The following CILK1 variants were observed in gnomAD, a reference collection of about 807,000 sequenced individuals.
The protein encoded by CILK1 is ciliogenesis associated kinase 1.
In CILK1, 47 loss-of-function variants were observed where a neutral mutation model predicts 79.2. The ratio of observed to expected loss-of-function variants is 0.59; its 90% CI spans 0.47 to 0.76. The LOEUF (loss-of-function observed/expected upper bound fraction) is 0.76. Ranked by LOEUF, CILK1 falls within the 30% of genes least tolerant of loss-of-function variation. The probability of loss-of-function intolerance (pLI) is 0.00; values close to 1 mark genes in which losing one functional copy is unlikely to be tolerated. For missense variants in CILK1, 660 were observed against 769.5 expected (o/e 0.86, Z 1.68); for synonymous variants, 266 against 275.9 (o/e 0.96, Z 0.36).
At chr6:53,037,050 G>T (rs1766386292) in intron 3 of CILK1, among the ~76,000 whole-genome samples, 1 of 152,136 alleles carries the variant, frequency 6.6e-6, no homozygotes, top group Non-Finnish European at 1.5e-5. Context: ...CTTTAGACTT[G>T]TAACCTCACT....
rs150468763 is a variant in CILK1 at position 53,033,069 on chromosome 6, T to C, written c.157-415A>G. Among the ~76,000 whole-genome samples, 581 of 152,306 alleles carry C rather than the reference T, an allele frequency of 3.8e-3. 2 individuals are homozygous for C. Among genetic ancestry groups the C allele is most frequent in the African/African-American group, 0.013 (561 of 41,570 alleles). ...TGGGCTGAGATCACCAGCTAACAGTTTGCAGACACTCTGAATAGGAAATTG... is the reference window on the plus strand; with the variant it reads ...TGGGCTGAGATCACCAGCTAACAGTCTGCAGACACTCTGAATAGGAAATTG... On this transcript the variant is annotated intron_variant, in intron 3 of 13. Coordinates refer to ENST00000676107, the MANE Select transcript of CILK1 (RefSeq NM_014920.5).
At chr6:53,036,277 CTGA>C (rs1198653805) in intron 3 of CILK1, among the ~76,000 whole-genome samples, 2 of 152,134 alleles carry the variant, frequency 1.3e-5, no homozygotes, top group African/African-American at 2.4e-5. Context: ...TTTTTTATCT[CTGA>C]TGTTTGTTTT....
Position 53,018,348 on chromosome 6 carries a change from C to T in CILK1, c.645G>A (p.Val215=). The change falls in exon 7 of 14, where the codon GTG becomes GTA. Residue 215 remains valine, a synonymous_variant. Transcript: ENST00000676107. Reference sequence around the variant, plus strand: ...TCATTACCTTTTTTGGTGTCCCCAGCACTTGGCAAATTTTGAATATTGTGT... The same window carrying T: ...TCATTACCTTTTTTGGTGTCCCCAGTACTTGGCAAATTTTGAATATTGTGT... ...EIDTIFKICQ[V]LGTPKKTDWP... The T allele has an allele frequency of 8.1e-6, 13 of 1,614,158 alleles. No individual in the cohort carries two copies. Among genetic ancestry groups the T allele is most frequent in the Non-Finnish European group, 1.1e-5 (13 of 1,180,018 alleles).
chr6:53,018,399 T>C lies in CILK1; in HGVS notation c.594A>G (p.Pro198=), dbSNP rs746818174. The C allele has an allele frequency of 5.0e-6, 8 of 1,613,892 alleles. No individual in the cohort carries two copies. In the South Asian group the frequency reaches 7.7e-5, roughly 16 times the overall value. The change falls in exon 7 of 14, where the codon CCA becomes CCG. Residue 198 remains proline, a synonymous_variant. Transcript: ENST00000676107. ...CAATTTCACTGGCTCCAGGGAAGAGTGGCCTGAGGGTGTAAACTTCTGCCA... is the reference window on the plus strand; with the variant it reads ...CAATTTCACTGGCTCCAGGGAAGAGCGGCCTGAGGGTGTAAACTTCTGCCA... ...CIMAEVYTLR[P]LFPGASEIDT...
intron 1 of CILK1, among the ~76,000 whole-genome samples, chr6:53,052,640 AG>A (rs1380364595): frequency 2.0e-5 from 3 of 152,054 alleles, no homozygotes; most frequent in African/African-American, 7.2e-5. Context: ...CTGAGGCAGG[AG>A]AATTGCTTGA....
chr6:53,005,352 G>A (rs200020472), intron 13 of CILK1, 49 bp from the exon 14 acceptor site: 275 of 1,599,628 alleles, frequency 1.7e-4, no homozygotes, highest in Admixed American at 5.0e-4. Context: ...GCCAATGTAA[G>A]CAAAGTACAA....
intron 1 of CILK1, among the ~76,000 whole-genome samples, chr6:53,048,476 A>T (rs745463315): frequency 2.6e-5 from 4 of 152,244 alleles, no homozygotes; most frequent in Non-Finnish European, 4.4e-5. Context: ...AAGAAGCACC[A>T]GTCAGCTCAC....
At chr6:53,048,995 ATT>A (rs1767295189) in intron 1 of CILK1, among the ~76,000 whole-genome samples, 1 of 152,214 alleles carries the variant, frequency 6.6e-6, no homozygotes, top group South Asian at 2.1e-4. Flanking sequence ...AAAGTGTGAT[ATT>A]TAGGGCTGAG....
At chr6:53,026,851 T>G in intron 5 of CILK1, among the ~76,000 whole-genome samples, 1 of 152,206 alleles carries the variant, frequency 6.6e-6, no homozygotes, top group East Asian at 1.9e-4. Flanking sequence ...GACCTTCAAT[T>G]TAATTTCACC....
chr6:53,057,113 A>C (rs951687654), intron 1 of CILK1, among the ~76,000 whole-genome samples: 1 of 152,244 alleles, frequency 6.6e-6, no homozygotes, highest in African/African-American at 2.4e-5. Flanking sequence ...TTTGGGAACC[A>C]CAAGTTCATG....
At chr6:53,060,437 G>A (rs1280417453) in intron 1 of CILK1, among the ~76,000 whole-genome samples, 1 of 152,216 alleles carries the variant, frequency 6.6e-6, no homozygotes, top group African/African-American at 2.4e-5. Flanking sequence ...TGACTTTGGA[G>A]AAGGGGATAA....
At chr6:53,026,509 T>C (rs1458675265) in intron 5 of CILK1, among the ~76,000 whole-genome samples, 1 of 152,200 alleles carries the variant, frequency 6.6e-6, no homozygotes, top group Non-Finnish European at 1.5e-5. Flanking sequence ...TCATTAACAG[T>C]ACTACTATTA....
rs775514340 is a variant in CILK1 at position 53,041,202 on chromosome 6, T to A, written c.35A>T (p.Asp12Val). 6.2e-7 allele frequency: 1 copy of A among 1,613,818 alleles called. No individual in the cohort carries two copies. The highest frequency in any genetic ancestry group is 8.5e-7 in the Non-Finnish European group (1 of 1,179,884). ...NRYTTIRQLG[D>V]GTYGSVLLGR... Reference sequence around the variant, plus strand: ...CAGCAGGACGGAACCGTAGGTTCCATCCCCGAGCTGCCTGATTGTTGTGTA... The same window carrying A: ...CAGCAGGACGGAACCGTAGGTTCCAACCCCGAGCTGCCTGATTGTTGTGTA... The change falls in exon 2 of 14, where the codon GAT (aspartate) becomes GTT (valine). Residue 12 changes from aspartate to valine, a missense_variant. Asp to Val is a radical substitution (Grantham distance 152). Coordinates refer to ENST00000676107, the MANE Select transcript of CILK1 (RefSeq NM_014920.5).
At chr6:53,009,376 C>T (rs899601998) in intron 12 of CILK1, 63 bp downstream of exon 12, 16 of 1,543,108 alleles carry the variant, frequency 1.0e-5, no homozygotes, top group Admixed American at 3.3e-5. Flanking sequence ...ACTCCTTGTG[C>T]CCACCTTCCT....
chr6:53,046,354 T>A (rs1420330581), intron 1 of CILK1, among the ~76,000 whole-genome samples: 1 of 152,210 alleles, frequency 6.6e-6, no homozygotes, highest in Non-Finnish European at 1.5e-5. Flanking sequence ...AAAGCCTTTT[T>A]TGGATAATTA....
rs1158005495 is a variant in CILK1 at position 53,011,891 on chromosome 6, G to A, written c.1370C>T (p.Pro457Leu). The A allele has an allele frequency of 6.2e-7, 1 of 1,614,170 alleles. No homozygotes were observed. Among genetic ancestry groups the A allele is most frequent in the Non-Finnish European group, 8.5e-7 (1 of 1,180,040 alleles). ...GTTTCCTGTGCCCACAGGCTCAGAG[G>A]GCTTCAGGTCCAAAACACTCTCAAA... ...CRFESVLDLK[P>L]SEPVGTGNSA... Residue 457 changes from proline to leucine, a missense_variant, in exon 11 of 14, where the codon CCC becomes CTC. Transcript: ENST00000676107.
At chr6:53,055,256 C>T (rs1767772839) in intron 1 of CILK1, among the ~76,000 whole-genome samples, 3 of 152,150 alleles carry the variant, frequency 2.0e-5, no homozygotes, top group South Asian at 4.1e-4. Context: ...AATTAGACTT[C>T]GTATTCTAGG....
At chr6:53,028,146 C>CAA (rs59053012) in intron 5 of CILK1, among the ~76,000 whole-genome samples, 10,291 of 63,176 alleles carry the variant, frequency 0.16, 715 homozygotes, top group African/African-American at 0.27. Flanking sequence ...GACTCCGTCT[C>CAA]AAAAAAAAAA....
At chr6:53,059,427 G>C (rs1030196266) in intron 1 of CILK1, among the ~76,000 whole-genome samples, 3 of 152,168 alleles carry the variant, frequency 2.0e-5, no homozygotes, top group Admixed American at 2.0e-4. Context: ...GATCAATACA[G>C]CCAGTATAAT....
Sources: gnomAD v4.1 joint callset for allele counts (sites outside exome capture counted in the v4.1 genomes callset) on GRCh38, gnomAD v4.1.1 for gene constraint, MANE v1.5 for transcripts, NCBI Gene and HGNC (gene_info 2026-07-23, HGNC 2026-07-21) for gene names.